Variants in DDX24 observed in about 807,000 individuals in gnomAD.
DDX24 encodes ATP-dependent RNA helicase DDX24.
DDX24 carries 24 observed loss-of-function variants against 68.9 expected under a neutral mutation model. The ratio of observed to expected loss-of-function variants is 0.35; its 90% CI spans 0.25 to 0.49. The LOEUF is 0.49. Ranked by LOEUF, DDX24 falls within the 20% of genes least tolerant of loss-of-function variation. DDX24 has a pLI of 0.99. For missense variants in DDX24, 989 were observed against 1,039.0 expected, an observed-to-expected ratio of 0.95 and a Z score of 0.66; for synonymous variants, 395 against 385.2, an observed-to-expected ratio of 1.03 and a Z score of -0.30.
intron 5 of DDX24, 105 bp downstream of exon 5, chr14:94,059,993 C>T (rs763890278): frequency 8.1e-6 from 11 of 1,354,892 alleles, no homozygotes; most frequent in Non-Finnish European, 1.1e-5. Context: ...TGAGACAAGG[C>T]CCCTATGACA....
rs1885365507 is a variant in DDX24 at position 94,050,343 on chromosome 14, C to T, written c.*848G>A. ...CACTAAGGGAGCCCCAGGAGAAGCA[C>T]TGCTTCCCCTTAGAGGCTCAGGACT... On this transcript the variant is annotated 3_prime_UTR_variant, in exon 9 of 9. Coordinates refer to ENST00000621632, the MANE Select transcript of DDX24 (RefSeq NM_020414.4). 2 of 152,324 alleles carry T rather than the reference C, an allele frequency of 1.3e-5. No individual in the cohort carries two copies. The highest frequency in any genetic ancestry group is 4.1e-4 in the South Asian group (2 of 4,834). 9.4% of individuals were successfully genotyped at this position (152,324 alleles called of 1,614,324 possible). A position where few individuals can be genotyped will look rare whatever the true frequency, so the allele number is the denominator to read the frequency against.
intron 2 of DDX24, among the ~76,000 whole-genome samples, chr14:94,077,594 G>C (rs1595381320): frequency 6.6e-6 from 1 of 152,198 alleles, no homozygotes; most frequent in South Asian, 2.1e-4. Flanking sequence ...ACTTACCCCA[G>C]GGTGGTTGTG....
intron 6 of DDX24, chr14:94,056,685 G>A (rs919469157): frequency 6.6e-6 from 1 of 152,230 alleles, no homozygotes; most frequent in African/African-American, 2.4e-5. Context: ...CTTGAAGCTG[G>A]TTGGTCAGAA....
intron 2 of DDX24, among the ~76,000 whole-genome samples, chr14:94,073,978 G>GCTT (rs1317758900): frequency 2.0e-5 from 3 of 150,912 alleles, no homozygotes; most frequent in Non-Finnish European, 4.4e-5. Flanking sequence ...AGGAGGCAGA[G>GCTT]CTTGCAGTGA....
chr14:94,067,652 C>T (rs980208952), intron 2 of DDX24, among the ~76,000 whole-genome samples: 1 of 152,232 alleles, frequency 6.6e-6, no homozygotes, highest in Admixed American at 6.5e-5. Flanking sequence ...AGAAACCCTA[C>T]AAGCTAGAAG....
chr14:94,053,499 G>A (rs1002892539), intron 7 of DDX24: 5 of 169,082 alleles, frequency 3.0e-5, no homozygotes, highest in East Asian at 2.0e-4. Context: ...GTGAGCCACC[G>A]TGCCCAGCAA....
At chr14:94,054,565 C>T (rs750548986) in intron 7 of DDX24, among the ~76,000 whole-genome samples, 3 of 152,170 alleles carry the variant, frequency 2.0e-5, no homozygotes, top group African/African-American at 4.8e-5. Context: ...CCATGGTAAG[C>T]GGCACCTACC....
intron 5 of DDX24, 107 bp from the exon 6 acceptor site, chr14:94,058,004 G>A: frequency 9.8e-7 from 1 of 1,017,542 alleles, no homozygotes; most frequent in Non-Finnish European, 1.4e-6. Flanking sequence ...CCAATACTCT[G>A]TAAGATATCA....
intron 5 of DDX24, among the ~76,000 whole-genome samples, chr14:94,058,933 G>A (rs1335328403): frequency 1.3e-5 from 2 of 152,022 alleles, no homozygotes; most frequent in Non-Finnish European, 2.9e-5. Flanking sequence ...CCAGTAAAAC[G>A]TCTACTAAAA....
In DDX24 at chr14:94,062,629, G is replaced by A. The variant is rs1885621847; in HGVS notation, c.719-8C>T. The A allele has an allele frequency of 6.4e-7, 1 of 1,572,478 alleles. No individual in the cohort carries two copies. Among genetic ancestry groups the A allele is most frequent in the South Asian group, 1.2e-5 (1 of 84,078 alleles). ...CAAGAGTTTTCCCACTTCCTTAAAAGTAAAAAAACAAAACAAAGTAAAAAC... is the reference window on the plus strand; with the variant it reads ...CAAGAGTTTTCCCACTTCCTTAAAAATAAAAAAACAAAACAAAGTAAAAAC... On this transcript the variant is annotated splice_region_variant and splice_polypyrimidine_tract_variant and intron_variant, in intron 2 of 8. Transcript: ENST00000621632.
Position 94,060,912 on chromosome 14 carries a change from C to T in DDX24, c.1397+1G>A. 1 of 1,614,022 alleles carries T rather than the reference C, an allele frequency of 6.2e-7. No individual in the cohort carries two copies. The highest frequency in any genetic ancestry group is 8.5e-7 in the Non-Finnish European group (1 of 1,179,930). ...GGGAAAAGAGAAGTGCCATCTATTA[C>T]CTGAGCTGCCGAAGGTTCCTCAAAT... On this transcript the variant is annotated splice_donor_variant, in intron 4 of 8. Coordinates refer to ENST00000621632, the MANE Select transcript of DDX24 (RefSeq NM_020414.4). LOFTEE classifies it high-confidence loss of function.
rs1434524493 is a variant in DDX24, at chr14:94,079,050, C to T, written c.693G>A (p.Leu231=). The T allele has an allele frequency of 1.2e-6, 2 of 1,613,946 alleles. No individual in the cohort carries two copies. Among genetic ancestry groups the T allele is most frequent in the East Asian group, 2.2e-5 (1 of 44,874 alleles). ...CTGTCTCAGCAGCCCCAAGGATGTC[C>T]AGTTTGTCACGGATGGCAGGTGCCA... The part of the protein sequence containing the change: ...LTLAPAIRDK[L]DILGAAETGS... Residue 231 remains leucine (L), a synonymous_variant, in exon 2 of 9, where the codon CTG becomes CTA. Coordinates refer to ENST00000621632, the MANE Select transcript of DDX24 (RefSeq NM_020414.4).
chr14:94,074,916 G>T (rs1377050477), intron 2 of DDX24, among the ~76,000 whole-genome samples: 2 of 152,102 alleles, frequency 1.3e-5, no homozygotes, highest in East Asian at 1.9e-4. Context: ...ATTTACAATA[G>T]AATCAAAAAT....
chr14:94,065,005 G>T (rs939208072), intron 2 of DDX24, among the ~76,000 whole-genome samples: 1 of 152,008 alleles, frequency 6.6e-6, no homozygotes, highest in Non-Finnish European at 1.5e-5. Flanking sequence ...TTGTGAGTGT[G>T]GGAAAAACCC....
At chr14:94,057,735 A>G (rs1885516318) in intron 6 of DDX24, 87 bp downstream of exon 6, 17 of 1,327,870 alleles carry the variant, frequency 1.3e-5, no homozygotes, top group Non-Finnish European at 1.8e-5. Context: ...CTTGGAACCA[A>G]CAATTCCTCC....
chr14:94,054,744 AG>A (rs1318718972), intron 7 of DDX24, among the ~76,000 whole-genome samples: 7 of 152,160 alleles, frequency 4.6e-5, no homozygotes, highest in African/African-American at 1.7e-4. Flanking sequence ...TCTGGTGAGG[AG>A]GGGGGACTTC....
At chr14:94,071,356 T>C (rs776033082) in intron 2 of DDX24, among the ~76,000 whole-genome samples, 111 of 152,076 alleles carry the variant, frequency 7.3e-4, no homozygotes, top group Non-Finnish European at 1.2e-3. Flanking sequence ...CAAAAAACAG[T>C]AGATGTTGGC....
chr14:94,055,174 G>GTA lies in DDX24; in HGVS notation c.1998_1999dup (p.Thr667IlefsTer23). The GTA allele has an allele frequency of 6.2e-7, 1 of 1,612,964 alleles. No homozygotes were observed. Among genetic ancestry groups the GTA allele is most frequent in the South Asian group, 1.1e-5 (1 of 91,024 alleles). On this transcript the variant is annotated frameshift_variant, in exon 7 of 9. Coordinates refer to ENST00000621632, the MANE Select transcript of DDX24 (RefSeq NM_020414.4). LOFTEE classifies it high-confidence loss of function. ...ACTTCGGTGGACATAAATCTCCGAG[G>GTA]TACGTGGGACCTGCCACAGGAAGAA...
At position 94,062,603 on chromosome 14, in the gene DDX24, G is replaced by C. The variant is rs750452468; in HGVS notation, c.737C>G (p.Ala246Gly). 6.3e-7 allele frequency: 1 copy of C among 1,595,492 alleles called. No individual in the cohort carries two copies. The highest frequency in any genetic ancestry group is 1.8e-5 in the Admixed American group (1 of 55,756). ...CGCATGAATCATTGGGATGGCAAAG[G>C]CAAGAGTTTTCCCACTTCCTTAAAA... The part of the protein sequence containing the change: ...AAETGSGKTL[A>G]FAIPMIHAVL... Residue 246 changes from alanine (A) to glycine (G), a missense_variant, in exon 3 of 9, where the codon GCC becomes GGC. Transcript: ENST00000621632.
Sources: gnomAD v4.1 joint callset for allele counts (sites outside exome capture counted in the v4.1 genomes callset) on GRCh38, gnomAD v4.1.1 for gene constraint, MANE v1.5 for transcripts, NCBI Gene and HGNC (gene_info 2026-07-23, HGNC 2026-07-21) for gene names.